The following CRAT variants were observed in gnomAD, a reference collection of about 807,000 sequenced individuals.
CRAT encodes the protein carnitine acetylase.
CRAT carries 66 observed loss-of-function variants against 73.7 expected under a neutral mutation model. That is an observed-to-expected ratio of 0.90 (90% confidence interval 0.73 to 1.10). The LOEUF is 1.10. CRAT is among the 50% of genes least tolerant of loss of function. The pLI, the probability that CRAT is intolerant of heterozygous loss-of-function variation, is 0.00. For missense variants in CRAT, 745 were observed against 846.9 expected (o/e 0.88, Z 1.49); for synonymous variants, 321 against 343.2 (o/e 0.94, Z 0.71).
In CRAT at chr9:129,106,799, T is replaced by C. The variant is rs944986860; in HGVS notation, c.291+1015A>G. Among the ~76,000 whole-genome samples the C allele has an allele frequency of 4.0e-5, 6 of 151,582 alleles. No homozygotes were observed. Among genetic ancestry groups the C allele is most frequent in the African/African-American group, 1.5e-4 (6 of 41,144 alleles). On this transcript the variant is annotated intron_variant, in intron 2 of 13. Coordinates refer to ENST00000318080, the MANE Select transcript of CRAT (RefSeq NM_000755.5). The surrounding 1 kb of genome is among the most constrained non-coding windows in gnomAD (Gnocchi z 4.0). Reference sequence around the variant, plus strand: ...CAGCATTTCCCAGGGCCGGACCCGCTCTGGCTCTCCCACAGGTAGCTTCTC... The same window carrying C: ...CAGCATTTCCCAGGGCCGGACCCGCCCTGGCTCTCCCACAGGTAGCTTCTC...
Position 129,107,486 on chromosome 9 carries a change from C to G in CRAT, c.291+328G>C, listed in dbSNP as rs1487783233. The G allele has an allele frequency of 1.1e-5, 7 of 621,838 alleles. No homozygotes were observed. The highest frequency in any genetic ancestry group is 1.5e-5 in the Non-Finnish European group (5 of 342,204). The allele number at this position is 621,838 out of a possible 1,614,324, so 38.5% of individuals were successfully genotyped here. ...TCACTGAGTGACACATATCCCCTGC[C>G]TGAGGCTGTCCCACCAAGCACAAGG... On this transcript the variant is annotated intron_variant, in intron 2 of 13. Transcript: ENST00000318080. This position sits in a 1 kb window ranked among gnomAD's most constrained non-coding sequence, Gnocchi z 5.0.
intron 6 of CRAT, 86 bp downstream of exon 6, chr9:129,101,797 G>A (rs1309303071): frequency 5.3e-5 from 77 of 1,457,152 alleles, no homozygotes; most frequent in Middle Eastern, 2.5e-4. Context: ...AGCAGACTTC[G>A]GGTACCCTAC....
Position 129,104,330 on chromosome 9 carries a change from C to T in CRAT, c.292-24G>A, listed in dbSNP as rs17508668. On this transcript the variant is annotated intron_variant, in intron 2 of 13. Transcript: ENST00000318080. Reference sequence around the variant, plus strand: ...AGCTGGGAAAAGTGCCAGAGCCTGTCAGGAGGGGTGCATGGGCCCTGGTGC... The same window carrying T: ...AGCTGGGAAAAGTGCCAGAGCCTGTTAGGAGGGGTGCATGGGCCCTGGTGC... 19,564 of 1,594,674 alleles carry T rather than the reference C, an allele frequency of 0.012. 1,730 individuals carry two copies. In the African/African-American group the frequency reaches 0.21, roughly 17 times the overall value.
rs1028517878 is a variant in CRAT, at chr9:129,103,980, C to A, written c.410+208G>T. Among the ~76,000 whole-genome samples the A allele has an allele frequency of 2.0e-5, 3 of 152,176 alleles. No homozygotes were observed. Among genetic ancestry groups the A allele is most frequent in the African/African-American group, 7.2e-5 (3 of 41,422 alleles). Reference sequence around the variant, plus strand: ...CCATGAGGCTTTAGAGCTGGAGAGACCCTGCTTCCTGAATGGGGTCTTGGG... The same window carrying A: ...CCATGAGGCTTTAGAGCTGGAGAGAACCTGCTTCCTGAATGGGGTCTTGGG... On this transcript the variant is annotated intron_variant, in intron 3 of 13. Transcript: ENST00000318080. The surrounding 1 kb of genome is among the most constrained non-coding windows in gnomAD (Gnocchi z 4.6).
intron 1 of CRAT, chr9:129,108,989 G>T: frequency 8.1e-7 from 1 of 1,227,730 alleles, no homozygotes; most frequent in Non-Finnish European, 1.0e-6. Context: ...TTGTGGCAGT[G>T]GCAGGGGAAG....
rs1429772103 is a variant in CRAT, at chr9:129,095,291, GGGAAGAGGGAACCAA to G, written c.*91_*105del. On this transcript the variant is annotated 3_prime_UTR_variant, in exon 14 of 14. Transcript: ENST00000318080. ...TGGCTCAGTAGATTTGGGGGGACCA[GGGAAGAGGGAACCAA>G]GGAAGAGGGAACCAAGGAGCTGAGC... The G allele has an allele frequency of 3.5e-5, 43 of 1,236,442 alleles. No homozygotes were observed. The South Asian group carries it at 3.9e-4, about 11-fold the overall frequency. The allele number at this position is 1,236,442 out of a possible 1,614,324, so 76.6% of individuals were successfully genotyped here.
chr9:129,102,134 G>C, intron 5 of CRAT, 77 bp from the exon 6 acceptor site: 1 of 1,489,026 alleles, frequency 6.7e-7, no homozygotes, highest in Non-Finnish European at 9.1e-7. Context: ...CCCCACACCT[G>C]CCTCCTCCTG....
At position 129,106,712 on chromosome 9, in the gene CRAT, A is replaced by G. The variant is rs3124499; in HGVS notation, c.291+1102T>C. ...TCCCACCTCCTGTGTGCAGCCCCAC[A>G]GCCTCCGCCAAGCCCCAGGGCTAGA... On this transcript the variant is annotated intron_variant, in intron 2 of 13. Coordinates refer to ENST00000318080, the MANE Select transcript of CRAT (RefSeq NM_000755.5). This position sits in a 1 kb window ranked among gnomAD's most constrained non-coding sequence, Gnocchi z 4.0. Among the ~76,000 whole-genome samples the G allele has an allele frequency of 0.22, 33,675 of 152,122 alleles. 4,141 individuals carry two copies. Among genetic ancestry groups the G allele is most frequent in the Middle Eastern group, 0.29 (84 of 292 alleles).
intron 1 of CRAT, chr9:129,108,931 T>G: frequency 7.9e-7 from 1 of 1,262,920 alleles, no homozygotes; most frequent in East Asian, 5.6e-5. Flanking sequence ...GAGCCAAGAT[T>G]CAGCGGGAGG....
At position 129,098,962 on chromosome 9, in the gene CRAT, C is replaced by T. The variant is rs192863324; in HGVS notation, c.1086-312G>A. ...CTGAGTAGCTGGGATTACAGATGCC[C>T]GCCACCTTGGCTAATTTTTTTCTTT... is the stretch of plus-strand genomic sequence containing the variant. On this transcript the variant is annotated intron_variant, in intron 8 of 13. Coordinates refer to ENST00000318080, the MANE Select transcript of CRAT (RefSeq NM_000755.5). 7.9e-4 allele frequency among the ~76,000 whole-genome samples: 119 copies of T among 149,924 alleles called. 3 individuals carry two copies. In the East Asian group the frequency reaches 0.017, roughly 21 times the overall value.
Position 129,106,950 on chromosome 9 carries a change from C to T in CRAT, c.291+864G>A, listed in dbSNP as rs905744495. Reference sequence around the variant, plus strand: ...CCCTCTCTCCCATCCGGTGTCAGACCCAGGCTGCCACAGCTCCTTGGGGGT... The same window carrying T: ...CCCTCTCTCCCATCCGGTGTCAGACTCAGGCTGCCACAGCTCCTTGGGGGT... On this transcript the variant is annotated intron_variant, in intron 2 of 13. Transcript: ENST00000318080. This position sits in a 1 kb window ranked among gnomAD's most constrained non-coding sequence, Gnocchi z 4.0. 6.6e-6 allele frequency among the ~76,000 whole-genome samples: 1 copy of T among 152,166 alleles called. No homozygotes were observed. Among genetic ancestry groups the T allele is most frequent in the Non-Finnish European group, 1.5e-5 (1 of 68,022 alleles).
intron 1 of CRAT, chr9:129,108,440 C>A (rs1848156113): frequency 1.3e-5 from 15 of 1,175,668 alleles, no homozygotes; most frequent in Non-Finnish European, 1.6e-5. Flanking sequence ...AGAGTGGTGA[C>A]TGTCCCTCTT....
In CRAT at chr9:129,099,804, C is replaced by T. The variant is rs145166864; in HGVS notation, c.1085+62G>A. ...GATATTTCTCTATAAGCTGGTCTAT[C>T]ACCTGTGTGTCACCTGTCACTAGAA... is the stretch of plus-strand genomic sequence containing the variant. On this transcript the variant is annotated intron_variant, in intron 8 of 13. Transcript: ENST00000318080. 4,175 of 1,313,396 alleles carry T rather than the reference C, an allele frequency of 3.2e-3. 19 individuals are homozygous for T. Among genetic ancestry groups the T allele is most frequent in the Non-Finnish European group, 4.0e-3 (3,640 of 915,734 alleles). 81.4% of individuals were successfully genotyped at this position (1,313,396 alleles called of 1,614,324 possible).
At position 129,098,051 on chromosome 9, in the gene CRAT, G is replaced by C; in HGVS notation, c.1426C>G (p.Leu476Val). 1 of 1,614,058 alleles carries C rather than the reference G, an allele frequency of 6.2e-7. No homozygotes were observed. The highest frequency in any genetic ancestry group is 8.5e-7 in the Non-Finnish European group (1 of 1,180,048). ...DTIRSASMDS[L>V]TFVKAMDDSS... is the part of the protein sequence containing the mutation. ...TCATCCATGGCCTTGACAAAGGTGA[G>C]TGAGTCCATGGAAGCCGAGCGGATG... is the stretch of plus-strand genomic sequence containing the variant. The change falls in exon 11 of 14, where the codon CTC (leucine) becomes GTC (valine). Residue 476 changes from leucine (L) to valine (V), a missense_variant. Leu to Val is a conservative substitution (Grantham distance 32). Transcript: ENST00000318080.
At position 129,095,993 on chromosome 9, in the gene CRAT, C is replaced by T; in HGVS notation, c.1665+5G>A. ...GCCCCCGGGGCACCTGGGGCAGTGGCCCACCTGGCTGGTGGAGAGGTGGAA... is the reference window on the plus strand; with the variant it reads ...GCCCCCGGGGCACCTGGGGCAGTGGTCCACCTGGCTGGTGGAGAGGTGGAA... On this transcript the variant is annotated splice_donor_5th_base_variant and intron_variant, in intron 13 of 13. Coordinates refer to ENST00000318080, the MANE Select transcript of CRAT (RefSeq NM_000755.5). The T allele has an allele frequency of 6.2e-7, 1 of 1,613,906 alleles. No individual in the cohort carries two copies. Among genetic ancestry groups the T allele is most frequent in the Non-Finnish European group, 8.5e-7 (1 of 1,180,004 alleles).
chr9:129,105,676 A>G (rs1847972298), intron 2 of CRAT, among the ~76,000 whole-genome samples: 1 of 152,160 alleles, frequency 6.6e-6, no homozygotes, highest in Non-Finnish European at 1.5e-5. Context: ...GAGGCAGGAG[A>G]CTGGGGTATC....
chr9:129,099,816 A>G, intron 8 of CRAT, 50 bp downstream of exon 8: 1 of 1,400,062 alleles, frequency 7.1e-7, no homozygotes, highest in Non-Finnish European at 1.0e-6. Flanking sequence ...CCTGTGTGTC[A>G]CCTGTCACTA....
intron 6 of CRAT, among the ~76,000 whole-genome samples, chr9:129,101,042 A>C (rs948596130): frequency 2.0e-5 from 3 of 152,204 alleles, no homozygotes; most frequent in African/African-American, 7.2e-5. Context: ...GCCCCTGAGC[A>C]AGACATGCTT....
chr9:129,098,003 G>C lies in CRAT; in HGVS notation c.1464+10C>G. 6.2e-7 allele frequency: 1 copy of C among 1,612,328 alleles called. No homozygotes were observed. Among genetic ancestry groups the C allele is most frequent in the Non-Finnish European group, 8.5e-7 (1 of 1,179,424 alleles). ...GCCCAGCTCACCCACCCTCGCCCCA[G>C]ACCTCTCACCGTGACGCTGGAGTCA... On this transcript the variant is annotated intron_variant, in intron 11 of 13. Coordinates refer to ENST00000318080, the MANE Select transcript of CRAT (RefSeq NM_000755.5).
Sources: gnomAD v4.1 joint callset for allele counts (sites outside exome capture counted in the v4.1 genomes callset) on GRCh38, gnomAD v4.1.1 for gene constraint, Gnocchi (gnomAD v3.1) non-coding constraint, MANE v1.5 for transcripts, NCBI Gene and HGNC (gene_info 2026-07-23, HGNC 2026-07-21) for gene names.